MMP7: variants seen among roughly 807,000 people sequenced by gnomAD.
The protein encoded by MMP7 is matrilysin.
Under a neutral mutation model 31.5 loss-of-function variants are expected in MMP7, and 26 were observed. The ratio of observed to expected loss-of-function variants is 0.83; its 90% CI spans 0.61 to 1.15. The LOEUF is 1.15. Ranked by LOEUF, MMP7 falls within the 50% of genes most tolerant of loss-of-function variation. MMP7 has a pLI of 0.00. For missense variants in MMP7, 367 were observed against 326.5 expected (o/e 1.12, Z -0.96); for synonymous variants, 142 against 124.2 (o/e 1.14, Z -0.95).
chr11:102,521,793 T>C (rs1263363990), intron 5 of MMP7, among the ~76,000 whole-genome samples: 1 of 152,222 alleles, frequency 6.6e-6, no homozygotes, highest in African/African-American at 2.4e-5. Flanking sequence ...GGTTCTAAAA[T>C]ATTTATAGAC....
rs754128998 is a variant in MMP7 at position 102,527,626 on chromosome 11, A to C, written c.382T>G (p.Leu128Val). 7.4e-6 allele frequency: 12 copies of C among 1,614,008 alleles called. No homozygotes were observed. Among genetic ancestry groups the C allele is most frequent in the Admixed American group, 6.7e-5 (4 of 60,002 alleles). Reference protein sequence around the residue: ...RDLPHITVDRLVSKALNMWGK... With the variant: ...RDLPHITVDRVVSKALNMWGK... Reference sequence around the variant, plus strand: ...CACATGTTTAAAGCCTTTGACACTAATCGATCCACTGTAATATGCGGTAAG... The same window carrying C: ...CACATGTTTAAAGCCTTTGACACTACTCGATCCACTGTAATATGCGGTAAG... Residue 128 changes from leucine (L) to valine (V), a missense_variant, in exon 3 of 6, where the codon TTA becomes GTA. Leu to Val is a conservative substitution (Grantham distance 32). Coordinates refer to ENST00000260227, the MANE Select transcript of MMP7 (RefSeq NM_002423.5).
At chr11:102,530,403 T>C (rs1365917107) in intron 1 of MMP7, among the ~76,000 whole-genome samples, 190 bp downstream of exon 1, 1 of 152,212 alleles carries the variant, frequency 6.6e-6, no homozygotes, top group Non-Finnish European at 1.5e-5. Flanking sequence ...TCAAGCCCGA[T>C]TTGAGCAGAT....
chr11:102,524,963 C>G lies in MMP7; in HGVS notation c.586G>C (p.Glu196Gln), dbSNP rs758984805. Residue 196 changes from glutamate (E) to glutamine (Q), a missense_variant, in exon 4 of 6, where the codon GAA becomes CAA. Physicochemically the swap from Glu to Gln is conservative, Grantham distance 29 (BLOSUM62 2). Transcript: ENST00000260227. The part of the protein sequence containing the change: ...LGGDAHFDED[E>Q]RWTDGSSLGI... Reference sequence around the variant, plus strand: ...AGACTGCTACCATCCGTCCAGCGTTCATCCTCATCGAAGTGAGCATCTCCT... The same window carrying G: ...AGACTGCTACCATCCGTCCAGCGTTGATCCTCATCGAAGTGAGCATCTCCT... 6.2e-7 allele frequency: 1 copy of G among 1,613,948 alleles called. No individual in the cohort carries two copies. Among genetic ancestry groups the G allele is most frequent in the Non-Finnish European group, 8.5e-7 (1 of 1,180,000 alleles).
Position 102,525,080 on chromosome 11 carries a change from G to A in MMP7, c.485-16C>T, listed in dbSNP as rs527700031. 9 of 1,586,064 alleles carry A rather than the reference G, an allele frequency of 5.7e-6. No individual in the cohort carries two copies. Among genetic ancestry groups the A allele is most frequent in the Middle Eastern group, 1.7e-4 (1 of 5,878 alleles). On this transcript the variant is annotated splice_polypyrimidine_tract_variant and intron_variant, in intron 3 of 5. Transcript: ENST00000260227. ...TCCCCATGAGCTGAAAGAAAATGGA[G>A]TGATTGTTCTTAGTGACTGATTTTT...
At chr11:102,530,498 G>A (rs1858722997) in intron 1 of MMP7, 95 bp downstream of exon 1, 1 of 978,098 alleles carries the variant, frequency 1.0e-6, no homozygotes, top group Non-Finnish European at 1.6e-6. Context: ...AAATTCCACT[G>A]CAATGCTAAC....
intron 3 of MMP7, among the ~76,000 whole-genome samples, chr11:102,525,689 C>T (rs549278070): frequency 4.0e-5 from 6 of 151,146 alleles, no homozygotes; most frequent in East Asian, 1.9e-4. Flanking sequence ...CCACTTTGCT[C>T]GGCCAAAGGG....
chr11:102,525,255 T>C (rs901674642), intron 3 of MMP7, among the ~76,000 whole-genome samples, 191 bp from the exon 4 acceptor site: 1 of 152,046 alleles, frequency 6.6e-6, no homozygotes, highest in Non-Finnish European at 1.5e-5. Context: ...CTGGCTAACA[T>C]GGTGAAACCC....
At chr11:102,525,849 T>C (rs1357065925) in intron 3 of MMP7, among the ~76,000 whole-genome samples, 1 of 151,858 alleles carries the variant, frequency 6.6e-6, no homozygotes, top group Non-Finnish European at 1.5e-5. Context: ...TCAAGATCTC[T>C]TAAAATGGCT....
At chr11:102,527,158 AAAGG>A (rs1361118736) in intron 3 of MMP7, 8 of 252,904 alleles carry the variant, frequency 3.2e-5, no homozygotes, top group Non-Finnish European at 6.2e-5. Flanking sequence ...CTTTTTCTGT[AAAGG>A]GTCAGATAAC....
At position 102,524,950 on chromosome 11, in the gene MMP7, TC is replaced by T; in HGVS notation, c.598del (p.Asp200MetfsTer5). 1 of 1,613,884 alleles carries T rather than the reference TC, an allele frequency of 6.2e-7. No homozygotes were observed. Among genetic ancestry groups the T allele is most frequent in the Non-Finnish European group, 8.5e-7 (1 of 1,179,878 alleles). ...AGATGCTATACCTAGACTGCTACCATCCGTCCAGCGTTCATCCTCATCGAAG... is the reference window on the plus strand; with the variant it reads ...AGATGCTATACCTAGACTGCTACCATCGTCCAGCGTTCATCCTCATCGAAG... ...AHFDEDERWT[D>X]GSSLGINFLY... On this transcript the variant is annotated frameshift_variant, in exon 4 of 6. Coordinates refer to ENST00000260227, the MANE Select transcript of MMP7 (RefSeq NM_002423.5). LOFTEE classifies it high-confidence loss of function.
chr11:102,520,889 A>C, intron 5 of MMP7, 85 bp from the exon 6 acceptor site: 2 of 891,798 alleles, frequency 2.2e-6, no homozygotes, highest in Non-Finnish European at 1.7e-6. Context: ...AGGAAATGTC[A>C]CAGAAAGTAT....
At chr11:102,530,277 C>A (rs1024250301) in intron 1 of MMP7, among the ~76,000 whole-genome samples, 72 of 152,280 alleles carry the variant, frequency 4.7e-4, no homozygotes, top group African/African-American at 1.7e-3. Context: ...TGCTTCACAA[C>A]ACCCTCATTT....
intron 1 of MMP7, among the ~76,000 whole-genome samples, chr11:102,528,791 TACA>T (rs1311800481): frequency 1.3e-5 from 2 of 152,080 alleles, no homozygotes; most frequent in African/African-American, 2.4e-5. Context: ...GCAGCACAAA[TACA>T]ACAACAACAA....
intron 3 of MMP7, among the ~76,000 whole-genome samples, chr11:102,526,439 A>C (rs1168295515): frequency 6.6e-6 from 1 of 151,870 alleles, no homozygotes; most frequent in Admixed American, 6.6e-5. Context: ...GTTTCACCCT[A>C]TTGGCCAGGC....
rs17887148 is a variant in MMP7 at position 102,521,559 on chromosome 11, A to G, written c.776-755T>C. ...TTGTATCTTAATCACTTTCTTTGGA[A>G]TCTATGTTTTCTGCTCATATTACTT... On this transcript the variant is annotated intron_variant, in intron 5 of 5. Coordinates refer to ENST00000260227, the MANE Select transcript of MMP7 (RefSeq NM_002423.5). Among the ~76,000 whole-genome samples the G allele has an allele frequency of 8.7e-4, 132 of 152,260 alleles. 6 individuals carry two copies. The South Asian group carries it at 0.027, about 31-fold the overall frequency.
Position 102,523,416 on chromosome 11 carries a change from G to A in MMP7, c.614-15C>T. The A allele has an allele frequency of 1.3e-6, 2 of 1,560,280 alleles. No homozygotes were observed. Among genetic ancestry groups the A allele is most frequent in the Non-Finnish European group, 1.7e-6 (2 of 1,152,870 alleles). Reference sequence around the variant, plus strand: ...GAAGTTAATCCCTACAACCGAAGAAGTGACAAACAGTAATGATAAAAATAG... The same window carrying A: ...GAAGTTAATCCCTACAACCGAAGAAATGACAAACAGTAATGATAAAAATAG... On this transcript the variant is annotated splice_polypyrimidine_tract_variant and intron_variant, in intron 4 of 5. Transcript: ENST00000260227.
In MMP7 at chr11:102,522,723, A is replaced by G. The variant is rs560437307; in HGVS notation, c.775+517T>C. Among the ~76,000 whole-genome samples the G allele has an allele frequency of 2.0e-5, 3 of 152,376 alleles. No homozygotes were observed. The East Asian group carries it at 5.8e-4, about 29-fold the overall frequency. On this transcript the variant is annotated intron_variant, in intron 5 of 5. Transcript: ENST00000260227. Reference sequence around the variant, plus strand: ...GAATTTGGAACTTGATTAAACCAAAAAAGCATAGACTGGGGCAAGGGATAT... The same window carrying G: ...GAATTTGGAACTTGATTAAACCAAAGAAGCATAGACTGGGGCAAGGGATAT...
chr11:102,520,787 T>C lies in MMP7; in HGVS notation c.793A>G (p.Arg265Gly). 6.4e-7 allele frequency: 1 copy of C among 1,569,660 alleles called. No homozygotes were observed. The highest frequency in any genetic ancestry group is 8.7e-7 in the Non-Finnish European group (1 of 1,151,320). Reference protein sequence around the residue: ...QKLYGKRSNSRKK With the variant: ...QKLYGKRSNSGKK ...TCTGCCTGAAGTTTCTATTTCTTTC[T>C]TGAATTACTTCTCTTTCCTATTGAG... The change falls in exon 6 of 6, where the codon AGA (arginine) becomes GGA (glycine). Residue 265 changes from arginine to glycine, a missense_variant. Arg to Gly is a moderately radical substitution (Grantham distance 125, BLOSUM62 -2). Transcript: ENST00000260227.
intron 4 of MMP7, among the ~76,000 whole-genome samples, chr11:102,524,066 C>A (rs1168325463): frequency 1.3e-5 from 2 of 152,132 alleles, no homozygotes; most frequent in Non-Finnish European, 2.9e-5. Context: ...AAGGTGTGAG[C>A]CCGTGCGTTT....
Sources: allele counts gnomAD v4.1 joint callset (sites outside exome capture counted in the v4.1 genomes callset), GRCh38; gene constraint gnomAD v4.1.1; transcripts MANE v1.5; gene names NCBI Gene and HGNC (gene_info 2026-07-23, HGNC 2026-07-21).